Variants in CPNE4 observed in about 807,000 individuals in gnomAD.
CPNE4 encodes the protein copine 4.
In CPNE4, 25 loss-of-function variants were observed where a neutral mutation model predicts 67.9. The ratio of observed to expected loss-of-function variants is 0.37; its 90% CI spans 0.27 to 0.51. The LOEUF is 0.51. Ranked by LOEUF, CPNE4 falls within the 20% of genes least tolerant of loss-of-function variation. The pLI is 0.93. For missense variants in CPNE4, 464 were observed against 690.8 expected (o/e 0.67, Z 3.68); for synonymous variants, 242 against 244.9 (o/e 0.99, Z 0.11).
In CPNE4 at chr3:131,977,219, T is replaced by C. The variant is rs189779288; in HGVS notation, c.-2+57348A>G. ...TCTTCTGAGCAACAATATTCAAGCA[T>C]CTTGGAGCTAAAGGGTAAAGGAGAC... On this transcript the variant is annotated intron_variant, in intron 1 of 15. Transcript: ENST00000429747. 2.1e-3 allele frequency among the ~76,000 whole-genome samples: 327 copies of C among 152,278 alleles called. 2 individuals carry two copies. The highest frequency in any genetic ancestry group is 6.9e-3 in the African/African-American group (287 of 41,562).
intron 4 of CPNE4, among the ~76,000 whole-genome samples, chr3:131,697,948 TG>T (rs1372759789): frequency 2.6e-5 from 4 of 152,022 alleles, no homozygotes; most frequent in Non-Finnish European, 4.4e-5. Flanking sequence ...TAAAATTAAA[TG>T]GGGCCAGGGG....
At chr3:131,733,096 G>A (rs2082163908) in intron 2 of CPNE4, among the ~76,000 whole-genome samples, 1 of 152,176 alleles carries the variant, frequency 6.6e-6, no homozygotes, top group Admixed American at 6.5e-5. Flanking sequence ...AGGAAACTTA[G>A]AACCAAAAAG....
intron 1 of CPNE4, among the ~76,000 whole-genome samples, chr3:131,963,908 G>C (rs2072260859): frequency 6.6e-6 from 1 of 152,262 alleles, no homozygotes; most frequent in Middle Eastern, 3.4e-3. Context: ...GTGGGTCCCT[G>C]ACACCCGTGC....
chr3:131,700,054 CTTTTT>C (rs3035263), intron 3 of CPNE4, 74 bp from the exon 4 acceptor site: 5,976 of 253,168 alleles, frequency 0.024, no homozygotes, highest in Middle Eastern at 0.037. Context: ...TTTTTTAAAC[CTTTTT>C]TTTTTTTTTT....
intron 3 of CPNE4, among the ~76,000 whole-genome samples, chr3:131,722,726 G>A (rs2081919536): frequency 6.6e-6 from 1 of 152,126 alleles, no homozygotes. Flanking sequence ...CACAGGGACT[G>A]TTTTTACTTT....
chr3:131,944,205 A>C (rs2071481397), intron 1 of CPNE4, among the ~76,000 whole-genome samples: 1 of 150,758 alleles, frequency 6.6e-6, no homozygotes, highest in Non-Finnish European at 1.5e-5. Flanking sequence ...GGCAAAGCTG[A>C]ACCTCTTTCC....
At chr3:131,855,622 GCA>G (rs2086410416) in intron 2 of CPNE4, among the ~76,000 whole-genome samples, 1 of 151,898 alleles carries the variant, frequency 6.6e-6, no homozygotes, top group South Asian at 2.1e-4. Context: ...CTCATTCCTT[GCA>G]CAGTTAGGTA....
intron 2 of CPNE4, among the ~76,000 whole-genome samples, chr3:131,758,475 T>C (rs2082808497): frequency 6.6e-6 from 1 of 152,180 alleles, no homozygotes; most frequent in African/African-American, 2.4e-5. Context: ...CCATTGTATC[T>C]AGGAAGTAAC....
chr3:131,629,688 G>T (rs943189656), intron 7 of CPNE4, among the ~76,000 whole-genome samples: 2 of 152,138 alleles, frequency 1.3e-5, no homozygotes, highest in East Asian at 3.9e-4. Context: ...CAAGTCATCT[G>T]ACTGCTTTGG....
chr3:131,836,648 G>C (rs757264886), intron 2 of CPNE4, among the ~76,000 whole-genome samples: 7 of 152,186 alleles, frequency 4.6e-5, no homozygotes, highest in Non-Finnish European at 7.4e-5. Context: ...ATCTGTCTCT[G>C]CATGACCAAG....
rs796117335 is a variant in CPNE4 at position 131,801,415 on chromosome 3, CGT to C, written c.181-77792_181-77791del. On this transcript the variant is annotated intron_variant, in intron 2 of 15. Transcript: ENST00000429747. ...ACATATATATATAGGTACATATATA[CGT>C]GTGTGTGTGTGTGTGTGTGTGTGTG... 4.0e-3 allele frequency among the ~76,000 whole-genome samples: 264 copies of C among 66,028 alleles called. 3 individuals carry two copies. The highest frequency in any genetic ancestry group is 0.014 in the African/African-American group (200 of 14,424). 43.3% of individuals were successfully genotyped at this position (66,028 alleles called of 152,430 possible).
chr3:131,819,925 T>A (rs937350973), intron 2 of CPNE4, among the ~76,000 whole-genome samples: 2 of 152,182 alleles, frequency 1.3e-5, no homozygotes, highest in African/African-American at 2.4e-5. Flanking sequence ...TCTTTCAGAC[T>A]AAGAAGAGAT....
chr3:131,575,637 T>C (rs1453081424), intron 9 of CPNE4, among the ~76,000 whole-genome samples: 7 of 152,176 alleles, frequency 4.6e-5, no homozygotes, highest in African/African-American at 1.4e-4. Context: ...CTAACATTTA[T>C]TGGGCATTAC....
chr3:131,608,902 C>A (rs959895562), intron 7 of CPNE4, among the ~76,000 whole-genome samples: 4 of 152,036 alleles, frequency 2.6e-5, no homozygotes, highest in African/African-American at 7.2e-5. Flanking sequence ...CACTGTCAGG[C>A]TTCAACCACA....
intron 3 of CPNE4, among the ~76,000 whole-genome samples, chr3:131,711,574 G>T (rs564694010): frequency 1.3e-5 from 2 of 152,152 alleles, no homozygotes; most frequent in African/African-American, 4.8e-5. Flanking sequence ...CCAAGAGCAT[G>T]CACCTTTGCT....
intron 2 of CPNE4, among the ~76,000 whole-genome samples, chr3:131,853,592 AC>A (rs2086321801): frequency 6.6e-6 from 1 of 151,880 alleles, no homozygotes; most frequent in Non-Finnish European, 1.5e-5. Flanking sequence ...GTTTAACCAA[AC>A]TTTTTTTCTC....
intron 7 of CPNE4, among the ~76,000 whole-genome samples, chr3:131,630,209 T>C (rs2079186139): frequency 6.6e-6 from 1 of 152,222 alleles, no homozygotes; most frequent in Admixed American, 6.5e-5. Flanking sequence ...GCTAGTCCCT[T>C]AGTGGCCATC....
chr3:131,568,011 C>T (rs990274173), intron 10 of CPNE4, among the ~76,000 whole-genome samples: 2 of 151,928 alleles, frequency 1.3e-5, no homozygotes, highest in African/African-American at 4.8e-5. Flanking sequence ...GCCACTTCAT[C>T]TCAGGAGATT....
chr3:131,727,968 G>A (rs1261387743), intron 2 of CPNE4, among the ~76,000 whole-genome samples: 1 of 152,066 alleles, frequency 6.6e-6, no homozygotes, highest in Non-Finnish European at 1.5e-5. Context: ...ATGGACATTT[G>A]AATTGTTTAC....
Sources: allele counts gnomAD v4.1 joint callset (sites outside exome capture counted in the v4.1 genomes callset), GRCh38; gene constraint gnomAD v4.1.1; transcripts MANE v1.5; gene names NCBI Gene and HGNC (gene_info 2026-07-23, HGNC 2026-07-21).